FAM234A: variants seen among roughly 807,000 people sequenced by gnomAD.
FAM234A encodes the protein family with sequence similarity 234 member A.
FAM234A carries 42 observed loss-of-function variants against 49.1 expected under a neutral mutation model. The ratio of observed to expected loss-of-function variants is 0.86; its 90% CI spans 0.67 to 1.11. FAM234A has a LOEUF of 1.11. Among genes scored for constraint, FAM234A ranks in the 50% least tolerant of loss-of-function variants. The pLI, the probability that FAM234A is intolerant of heterozygous loss-of-function variation, is 0.00. For synonymous variants in FAM234A, 369 were observed against 316.2 expected (o/e 1.17, Z -1.77); for missense variants, 815 against 745.2 (o/e 1.09, Z -1.09).
chr16:248,556 C>T (rs951907734), intron 1 of FAM234A, among the ~76,000 whole-genome samples: 21 of 151,950 alleles, frequency 1.4e-4, no homozygotes, highest in Non-Finnish European at 5.9e-5. Context: ...AAACTGGTAC[C>T]ATGCTTCCCC....
intron 1 of FAM234A, among the ~76,000 whole-genome samples, chr16:246,417 C>CTT (rs1183467460): frequency 0.14 from 9,289 of 67,266 alleles, 1,421 homozygotes; most frequent in East Asian, 0.19. Context: ...TAGGTGGTGG[C>CTT]TTTTTTTTTT....
Position 264,840 on chromosome 16 carries a change from G to A in FAM234A, c.1477G>A (p.Ala493Thr), listed in dbSNP as rs533890166. The change falls in exon 13 of 13, where the codon GCC becomes ACC. Residue 493 changes from alanine to threonine, a missense_variant. Ala to Thr is a moderately conservative substitution (Grantham distance 58). Coordinates refer to ENST00000399932, the MANE Select transcript of FAM234A (RefSeq NM_032039.4). ...AVLFEPSRHA[A>T]YILLTGPADS... ...CCTGTTTGAGCCAAGCCGCCACGCC[G>A]CCTACATCCTTCTGACAGGCCCGGC... The A allele has an allele frequency of 2.7e-5, 43 of 1,611,352 alleles. No individual in the cohort carries two copies. In the Middle Eastern group the frequency reaches 6.6e-4, roughly 25 times the overall value.
chr16:262,108 T>C lies in FAM234A; in HGVS notation c.724T>C (p.Tyr242His). Residue 242 changes from tyrosine to histidine, a missense_variant, in exon 7 of 13, where the codon TAC (tyrosine) becomes CAC (histidine). Coordinates refer to ENST00000399932, the MANE Select transcript of FAM234A (RefSeq NM_032039.4). The part of the protein sequence containing the change: ...QEREEVSGHL[Y>H]SGSTGHQIGL... ...GTCATTGCAGGTTAGTGGCCACCTC[T>C]ACTCCGGCAGCACCGGGCACCAGAT... 6.2e-7 allele frequency: 1 copy of C among 1,614,018 alleles called. No homozygotes were observed. The highest frequency in any genetic ancestry group is 8.5e-7 in the Non-Finnish European group (1 of 1,180,004).
At chr16:269,837 A>C, downstream of FAM234A, 1 of 449,878 alleles carries the variant, frequency 2.2e-6, no homozygotes, top group Non-Finnish European at 4.0e-6. Context: ...AGAGGAATAA[A>C]CCGCGGCACC....
chr16:240,033 T>C (rs2050556223), intron 1 of FAM234A, among the ~76,000 whole-genome samples: 1 of 152,202 alleles, frequency 6.6e-6, no homozygotes, highest in Non-Finnish European at 1.5e-5. Context: ...GTCTGACATC[T>C]GCTTTGCTCA....
intron 1 of FAM234A, among the ~76,000 whole-genome samples, chr16:242,824 A>G (rs2050667714): frequency 6.6e-6 from 1 of 151,032 alleles, no homozygotes; most frequent in African/African-American, 2.4e-5. Flanking sequence ...ATGTTGGCCA[A>G]ATTGGTCTCG....
chr16:237,486 T>C (rs2050445327), intron 1 of FAM234A, among the ~76,000 whole-genome samples: 1 of 151,878 alleles, frequency 6.6e-6, no homozygotes, highest in Admixed American at 6.6e-5. Context: ...ACAAATAAAA[T>C]AAAAGCTGGA....
Position 263,385 on chromosome 16 carries a change from G to A in FAM234A, c.1095G>A (p.Lys365=), listed in dbSNP as rs1387261955. Residue 365 remains lysine, a synonymous_variant, in exon 9 of 13, where the codon AAG becomes AAA. Coordinates refer to ENST00000399932, the MANE Select transcript of FAM234A (RefSeq NM_032039.4). The part of the protein sequence containing the change: ...GQELTPRWTP[K]AAHVLRKPIF... ...AGCTGACGCCTCGCTGGACACCCAA[G>A]GCAGCCCATGTCCTGAGGTACAGGG... 2.5e-6 allele frequency: 4 copies of A among 1,610,536 alleles called. No homozygotes were observed. Among genetic ancestry groups the A allele is most frequent in the South Asian group, 1.1e-5 (1 of 91,092 alleles).
intron 1 of FAM234A, among the ~76,000 whole-genome samples, chr16:246,170 A>C (rs1484270690): frequency 6.6e-6 from 1 of 151,596 alleles, no homozygotes. Context: ...AGCCAAGATC[A>C]CGCCATTGTA....
At chr16:263,223 CG>C in intron 8 of FAM234A, 38 bp from the exon 9 acceptor site, 2 of 1,601,458 alleles carry the variant, frequency 1.2e-6, no homozygotes. Flanking sequence ...GAGGCCGCCC[CG>C]GGGACCCGGC....
chr16:254,122 G>T (rs2051130963), intron 2 of FAM234A: 1 of 418,996 alleles, frequency 2.4e-6, no homozygotes, highest in African/African-American at 2.0e-5. Flanking sequence ...AAGCACCAGC[G>T]TGTTCTGGAT....
rs575791889 is a variant in FAM234A, at chr16:260,340, C to T, written c.577+180C>T. 3.2e-3 allele frequency: 2,018 copies of T among 633,776 alleles called. 6 individuals are homozygous for T. Among genetic ancestry groups the T allele is most frequent in the Non-Finnish European group, 4.9e-3 (1,745 of 357,214 alleles). 39.3% of individuals were successfully genotyped at this position (633,776 alleles called of 1,614,324 possible). A position where few individuals can be genotyped will look rare whatever the true frequency, so the allele number is the denominator to read the frequency against. On this transcript the variant is annotated intron_variant, in intron 5 of 12. Transcript: ENST00000399932. Reference sequence around the variant, plus strand: ...AGGCTGCAAGCGTGTGGAAGGCACACGCCTCGGCTGCCTTCAGCTGCACTG... The same window carrying T: ...AGGCTGCAAGCGTGTGGAAGGCACATGCCTCGGCTGCCTTCAGCTGCACTG...
chr16:255,714 A>C (rs1446059193), intron 3 of FAM234A, among the ~76,000 whole-genome samples: 3 of 152,134 alleles, frequency 2.0e-5, no homozygotes, highest in Admixed American at 1.3e-4. Flanking sequence ...CCCAGGCTGG[A>C]GTGCAATGGC....
intron 5 of FAM234A, chr16:260,408 C>T (rs2141335855): frequency 1.7e-6 from 1 of 572,274 alleles, no homozygotes; most frequent in East Asian, 3.1e-5. Flanking sequence ...GGCTGTAACA[C>T]ACAGGGGCAG....
intron 5 of FAM234A, chr16:260,901 C>T (rs752496472): frequency 3.1e-6 from 1 of 327,542 alleles, no homozygotes; most frequent in Non-Finnish European, 6.1e-6. Context: ...CGCACACCTC[C>T]ATTCTTGCCT....
At chr16:250,076 C>T (rs2050946509) in intron 2 of FAM234A, among the ~76,000 whole-genome samples, 1 of 152,142 alleles carries the variant, frequency 6.6e-6, no homozygotes, top group Non-Finnish European at 1.5e-5. Flanking sequence ...CTCCTATAGG[C>T]GCATGCCGCC....
chr16:266,837 C>T (rs370038478), downstream of FAM234A, among the ~76,000 whole-genome samples: 2 of 152,056 alleles, frequency 1.3e-5, no homozygotes, highest in African/African-American at 4.8e-5. Context: ...CAGGGTGGGG[C>T]TGGAGGGAGA....
At chr16:253,543 C>T (rs920704269) in intron 2 of FAM234A, among the ~76,000 whole-genome samples, 8 of 151,760 alleles carry the variant, frequency 5.3e-5, no homozygotes, top group African/African-American at 1.9e-4. Flanking sequence ...GGCGTGATCT[C>T]GGCTCACTGC....
chr16:258,155 ATT>A (rs577801424), intron 3 of FAM234A, among the ~76,000 whole-genome samples: 33 of 134,004 alleles, frequency 2.5e-4, no homozygotes, highest in Middle Eastern at 4.0e-3. Flanking sequence ...CACCCGGCCT[ATT>A]TTTTTTTTTT....
Sources: allele counts gnomAD v4.1 joint callset (sites outside exome capture counted in the v4.1 genomes callset), GRCh38; gene constraint gnomAD v4.1.1; transcripts MANE v1.5; gene names NCBI Gene and HGNC (gene_info 2026-07-23, HGNC 2026-07-21).